PRKCE: variants seen among roughly 807,000 people sequenced by gnomAD.
The protein encoded by PRKCE is protein kinase C epsilon.
Under a neutral mutation model 85.4 loss-of-function variants are expected in PRKCE, and 16 were observed. The ratio of observed to expected loss-of-function variants is 0.19; its 90% CI spans 0.13 to 0.28. PRKCE has a LOEUF of 0.28. Among genes scored for constraint, PRKCE ranks in the 10% least tolerant of loss-of-function variants. PRKCE has a pLI of 1.00. For synonymous variants in PRKCE, 388 were observed against 371.5 expected (o/e 1.04, Z -0.51); for missense variants, 573 against 975.2 (o/e 0.59, Z 5.49).
At chr2:45,832,154 G>A (rs572482808) in intron 1 of PRKCE, among the ~76,000 whole-genome samples, 1 of 152,258 alleles carries the variant, frequency 6.6e-6, no homozygotes, top group South Asian at 2.1e-4. Context: ...TCCCCGGAGA[G>A]CAATTATTCC....
Position 46,004,949 on chromosome 2 carries a change from G to C in PRKCE, c.1063+311G>C, listed in dbSNP as rs1705044691. 6.6e-6 allele frequency among the ~76,000 whole-genome samples: 1 copy of C among 152,200 alleles called. No homozygotes were observed. The highest frequency in any genetic ancestry group is 1.5e-5 in the Non-Finnish European group (1 of 68,034). ...TCCCTGGTTCCAAGTGTACTGCAGA[G>C]AGAAGGGTACAGCTCCCTCTCTTAA... On this transcript the variant is annotated intron_variant, in intron 8 of 14. Coordinates refer to ENST00000306156, the MANE Select transcript of PRKCE (RefSeq NM_005400.3). This position sits in a 1 kb window ranked among gnomAD's most constrained non-coding sequence, Gnocchi z 4.1.
chr2:45,761,019 G>C (rs1684427689), intron 1 of PRKCE, among the ~76,000 whole-genome samples: 2 of 151,864 alleles, frequency 1.3e-5, no homozygotes, highest in Non-Finnish European at 2.9e-5. Context: ...GTCTAGACAG[G>C]GTGATTTTAC....
At chr2:45,746,646 G>A (rs911006811) in intron 1 of PRKCE, among the ~76,000 whole-genome samples, 4 of 152,094 alleles carry the variant, frequency 2.6e-5, no homozygotes, top group African/African-American at 4.8e-5. Flanking sequence ...ATCATTGCCC[G>A]TAATATTCTC....
At chr2:45,986,253 G>T (rs1703313578) in intron 6 of PRKCE, among the ~76,000 whole-genome samples, 1 of 152,262 alleles carries the variant, frequency 6.6e-6, no homozygotes, top group Admixed American at 6.5e-5. Context: ...CTCAGCAGGA[G>T]CTGTCTTAGT....
intron 11 of PRKCE, among the ~76,000 whole-genome samples, chr2:46,087,879 T>C (rs895291623): frequency 2.6e-5 from 4 of 152,228 alleles, no homozygotes; most frequent in Non-Finnish European, 4.4e-5. Context: ...GGCTTGCTCC[T>C]TCAAGGCCAG....
intron 2 of PRKCE, chr2:45,845,648 C>T (rs937411201): frequency 3.2e-4 from 49 of 152,110 alleles, no homozygotes; most frequent in African/African-American, 1.1e-3. Flanking sequence ...TAGGATGCGC[C>T]GAAGGATTCT....
At chr2:45,946,598 C>G (rs933566486) in intron 2 of PRKCE, among the ~76,000 whole-genome samples, 3 of 152,166 alleles carry the variant, frequency 2.0e-5, no homozygotes, top group African/African-American at 7.2e-5. Context: ...TTGGTGAAAT[C>G]CATGCTGGTG....
At chr2:46,090,563 T>A (rs1670068740) in intron 11 of PRKCE, among the ~76,000 whole-genome samples, 1 of 152,206 alleles carries the variant, frequency 6.6e-6, no homozygotes, top group South Asian at 2.1e-4. Flanking sequence ...CCCAGAGTCT[T>A]CTAATCCAGT....
At chr2:45,973,956 G>A (rs868380140) in intron 2 of PRKCE, among the ~76,000 whole-genome samples, 1 of 152,136 alleles carries the variant, frequency 6.6e-6, no homozygotes, top group Non-Finnish European at 1.5e-5. Flanking sequence ...ATTAGGAGAC[G>A]GGCTTACTGT....
At chr2:45,852,330 T>C (rs936889042) in intron 2 of PRKCE, among the ~76,000 whole-genome samples, 1 of 152,256 alleles carries the variant, frequency 6.6e-6, no homozygotes, top group African/African-American at 2.4e-5. Context: ...TGTTTTAAAC[T>C]GTTTAAAACA....
chr2:46,115,998 C>A (rs1162012272), intron 11 of PRKCE, among the ~76,000 whole-genome samples: 2 of 152,174 alleles, frequency 1.3e-5, no homozygotes, highest in African/African-American at 2.4e-5. Context: ...TGTTACAGGG[C>A]AGGAGGATTG....
chr2:45,768,593 G>A (rs1685087731), intron 1 of PRKCE, among the ~76,000 whole-genome samples: 2 of 152,190 alleles, frequency 1.3e-5, no homozygotes, highest in Admixed American at 1.3e-4. Context: ...ATGATGCTAG[G>A]TGCTCTTTTC....
chr2:46,120,080 A>G (rs1365832752), intron 11 of PRKCE, among the ~76,000 whole-genome samples: 1 of 152,136 alleles, frequency 6.6e-6, no homozygotes, highest in Middle Eastern at 3.2e-3. Context: ...GGGACTTAGA[A>G]AACTCTTCTC....
chr2:45,995,791 C>A (rs774519107), intron 6 of PRKCE, among the ~76,000 whole-genome samples: 3 of 152,146 alleles, frequency 2.0e-5, no homozygotes, highest in Admixed American at 6.5e-5. Flanking sequence ...TGTCAGTCTT[C>A]TGACTTCGTT....
chr2:45,659,283 G>A (rs558824919), intron 1 of PRKCE, among the ~76,000 whole-genome samples: 3 of 152,294 alleles, frequency 2.0e-5, no homozygotes, highest in Non-Finnish European at 2.9e-5. Flanking sequence ...AAAACCTTGA[G>A]GGGCCATCCT....
intron 1 of PRKCE, among the ~76,000 whole-genome samples, chr2:45,666,359 G>T (rs1675911782): frequency 6.6e-6 from 1 of 151,820 alleles, no homozygotes; most frequent in African/African-American, 2.4e-5. Flanking sequence ...ATTGTCTCCT[G>T]CCAGCCCCAG....
At chr2:45,919,589 A>C (rs1266094660) in intron 2 of PRKCE, among the ~76,000 whole-genome samples, 1 of 152,244 alleles carries the variant, frequency 6.6e-6, no homozygotes, top group Non-Finnish European at 1.5e-5. Flanking sequence ...TCACATTTAG[A>C]GAACACCAAT....
chr2:45,923,463 AG>A (rs1698401460), intron 2 of PRKCE, among the ~76,000 whole-genome samples: 1 of 152,176 alleles, frequency 6.6e-6, no homozygotes, highest in Admixed American at 6.5e-5. Flanking sequence ...TGCGGTCAAT[AG>A]TATGTATGAC....
At chr2:45,740,726 T>C (rs1682488394) in intron 1 of PRKCE, among the ~76,000 whole-genome samples, 1 of 152,248 alleles carries the variant, frequency 6.6e-6, no homozygotes, top group Non-Finnish European at 1.5e-5. Context: ...CATTCATGTC[T>C]GGTTATTCAC....
Sources: allele counts gnomAD v4.1 joint callset (sites outside exome capture counted in the v4.1 genomes callset), GRCh38; gene constraint gnomAD v4.1.1; non-coding constraint Gnocchi (gnomAD v3.1); transcripts MANE v1.5; gene names NCBI Gene and HGNC (gene_info 2026-07-23, HGNC 2026-07-21).